VPS52: variants seen among roughly 807,000 people sequenced by gnomAD.
VPS52 encodes the protein vacuolar protein sorting-associated protein 52 homolog.
In VPS52, 56 loss-of-function variants were observed where a neutral mutation model predicts 98.7. That is an observed-to-expected ratio of 0.57 (90% CI 0.46 to 0.71). VPS52 has a LOEUF of 0.71. VPS52 is among the 30% of genes least tolerant of loss of function. VPS52 has a pLI of 0.00. For missense variants in VPS52, 742 were observed against 925.9 expected (o/e 0.80, Z 2.58); for synonymous variants, 348 against 346.4 (o/e 1.00, Z -0.05).
Position 33,267,924 on chromosome 6 carries a change from G to A in VPS52, c.874C>T (p.Leu292=). 6.2e-7 allele frequency: 1 copy of A among 1,613,084 alleles called. No homozygotes were observed. The highest frequency in any genetic ancestry group is 1.1e-5 in the South Asian group (1 of 91,084). The change falls in exon 9 of 20, where the codon CTG becomes TTG. Residue 292 remains leucine, a synonymous_variant. Coordinates refer to ENST00000445902, the MANE Select transcript of VPS52 (RefSeq NM_022553.6). This position sits in a 1 kb window ranked among gnomAD's most constrained non-coding sequence, Gnocchi z 4.2. ...TAGTAAGACAGGTAAATCTTGCTCA[G>A]CGTCTCCACATATTCATCCCTGATC... ...KEIRDEYVET[L]SKIYLSYYRS...
Position 33,268,636 on chromosome 6 carries a change from C to A in VPS52, c.562G>T (p.Ala188Ser). 3.7e-6 allele frequency: 6 copies of A among 1,604,944 alleles called. No individual in the cohort carries two copies. Among genetic ancestry groups the A allele is most frequent in the Middle Eastern group, 1.7e-4 (1 of 6,044 alleles). ...PSALVTAILE[A>S]PVTEPRFLEQ... is the part of the protein sequence containing the mutation. ...AAGAACCTGGGCTCTGTCACTGGAG[C>A]CTCCAGAATTGCCCTGGTTAGCAGG... The change falls in exon 7 of 20, where the codon GCT (alanine) becomes TCT (serine). Residue 188 changes from alanine (A) to serine (S), a missense_variant. By Grantham distance (99) the Ala-to-Ser change is moderately conservative. Coordinates refer to ENST00000445902, the MANE Select transcript of VPS52 (RefSeq NM_022553.6). The surrounding 1 kb of genome is among the most constrained non-coding windows in gnomAD (Gnocchi z 4.0).
rs772993343 is a variant in VPS52, at chr6:33,268,465, A to T, written c.699+34T>A. On this transcript the variant is annotated intron_variant, in intron 7 of 19. Transcript: ENST00000445902. The surrounding 1 kb of genome is among the most constrained non-coding windows in gnomAD (Gnocchi z 4.0). ...TGAAGATCTTGGGAAGGCTGCTTCC[A>T]GTAGCCTCCAGGGTATCCATCCCTA... The T allele has an allele frequency of 1.3e-6, 2 of 1,558,034 alleles. No homozygotes were observed. Among genetic ancestry groups the T allele is most frequent in the Admixed American group, 3.8e-5 (2 of 52,490 alleles).
intron 3 of VPS52, 80 bp downstream of exon 3, chr6:33,269,919 C>T (rs903350775): frequency 1.2e-6 from 2 of 1,604,564 alleles, no homozygotes; most frequent in African/African-American, 1.3e-5. Flanking sequence ...CAGGCTGATA[C>T]AACAAAAGCA....
Position 33,268,798 on chromosome 6 carries a change from A to T in VPS52, c.549-149T>A. The T allele has an allele frequency of 8.6e-7, 1 of 1,167,560 alleles. No homozygotes were observed. The highest frequency in any genetic ancestry group is 1.2e-6 in the Non-Finnish European group (1 of 852,838). 72.3% of individuals were successfully genotyped at this position (1,167,560 alleles called of 1,614,324 possible). On this transcript the variant is annotated intron_variant, in intron 6 of 19. Coordinates refer to ENST00000445902, the MANE Select transcript of VPS52 (RefSeq NM_022553.6). This position sits in a 1 kb window ranked among gnomAD's most constrained non-coding sequence, Gnocchi z 4.0. ...TCAGGACACATGTACAAAGTTTTCTATTCCTGGACCTCCCCACTATACACC... is the reference window on the plus strand; with the variant it reads ...TCAGGACACATGTACAAAGTTTTCTTTTCCTGGACCTCCCCACTATACACC...
intron 1 of VPS52, chr6:33,271,061 C>T: frequency 4.0e-6 from 1 of 247,450 alleles, no homozygotes; most frequent in Non-Finnish European, 7.9e-6. Flanking sequence ...CCTCAGACTC[C>T]TGCCATCTTG....
At chr6:33,251,019 C>T (rs559138852) in intron 19 of VPS52, 32 bp from the exon 20 acceptor site, 46 of 1,612,716 alleles carry the variant, frequency 2.9e-5, no homozygotes, top group Non-Finnish European at 2.7e-5. Context: ...GGGATCAAAC[C>T]GTAAAATGGT....
chr6:33,256,463 CAAAAAAAAAAAAAAAA>C (rs9280385), intron 17 of VPS52, among the ~76,000 whole-genome samples: 11 of 83,738 alleles, frequency 1.3e-4, no homozygotes, highest in South Asian at 1.2e-3. Flanking sequence ...AAACCTGTCT[CAAAAAAAAAAAAAAAA>C]AAAAAAAAAA....
intron 17 of VPS52, among the ~76,000 whole-genome samples, chr6:33,252,541 A>G (rs1213461779): frequency 6.7e-6 from 1 of 150,176 alleles, no homozygotes; most frequent in African/African-American, 2.4e-5. Flanking sequence ...GTGAGCAGAG[A>G]TCATGCCACT....
At chr6:33,264,293 A>G (rs1470240009) in intron 14 of VPS52, 81 bp downstream of exon 14, 35 of 1,586,990 alleles carry the variant, frequency 2.2e-5, no homozygotes, top group Non-Finnish European at 2.7e-5. Flanking sequence ...CCATGACACA[A>G]CTGTGACCTT....
intron 17 of VPS52, among the ~76,000 whole-genome samples, chr6:33,256,505 G>GAAAAAAAAA (rs1762994810): frequency 8.6e-6 from 1 of 115,692 alleles, no homozygotes; most frequent in Non-Finnish European, 1.9e-5. Flanking sequence ...AAAAAAAAAG[G>GAAAAAAAAA]ATAGGGAGCC....
In VPS52 at chr6:33,267,217, G is replaced by A. The variant is rs373646583; in HGVS notation, c.1096C>T (p.Pro366Ser). The A allele has an allele frequency of 3.8e-6, 6 of 1,583,194 alleles. No homozygotes were observed. In the African/African-American group the frequency reaches 8.2e-5, roughly 22 times the overall value. The change falls in exon 11 of 20, where the codon CCT (proline) becomes TCT (serine). Residue 366 changes from proline (P) to serine (S), a missense_variant. Coordinates refer to ENST00000445902, the MANE Select transcript of VPS52 (RefSeq NM_022553.6). The surrounding 1 kb of genome is among the most constrained non-coding windows in gnomAD (Gnocchi z 4.2). ...TGCTCTCCGCGCTGCGCTGTGTGAG[G>A]CACCAGGATGGGGGCCTCAAGTTCA... is the stretch of plus-strand genomic sequence containing the variant. ...PTELEAPILV[P>S]HTAQRGEQRY... is the part of the protein sequence containing the mutation.
chr6:33,262,561 T>G (rs982522661), intron 17 of VPS52, among the ~76,000 whole-genome samples: 1 of 152,176 alleles, frequency 6.6e-6, no homozygotes. Context: ...TGAAGAGATA[T>G]TTGCACTCCC....
chr6:33,270,807 C>T (rs1160502672), intron 1 of VPS52, among the ~76,000 whole-genome samples: 2 of 151,958 alleles, frequency 1.3e-5, no homozygotes, highest in Non-Finnish European at 2.9e-5. Flanking sequence ...AAAAATTAGC[C>T]GGGCGCGGTG....
intron 17 of VPS52, 42 bp from the exon 18 acceptor site, chr6:33,252,013 A>G: frequency 1.3e-6 from 2 of 1,564,894 alleles, no homozygotes; most frequent in Non-Finnish European, 1.8e-6. Flanking sequence ...TCCTGGTGTC[A>G]GCAGATTTGC....
Position 33,269,749 on chromosome 6 carries a change from C to G in VPS52, c.299G>C (p.Arg100Pro). The part of the protein sequence containing the change: ...ELQQIEQKSI[R>P]DYIQESENIA... ...TTCCCTCTGCTGGAGGATACAATCCCGAATGGATTTCTGTTCAATCTGCTG... is the reference window on the plus strand; with the variant it reads ...TTCCCTCTGCTGGAGGATACAATCCGGAATGGATTTCTGTTCAATCTGCTG... The change falls in exon 4 of 20, where the codon CGG (arginine) becomes CCG (proline). Residue 100 changes from arginine to proline, a missense_variant. Physicochemically the swap from Arg to Pro is moderately radical, Grantham distance 103. This residue lies in a region of VPS52 where 152 missense variants were observed against 132.6 expected (regional missense o/e 1.15). Coordinates refer to ENST00000445902, the MANE Select transcript of VPS52 (RefSeq NM_022553.6). 6.2e-7 allele frequency: 1 copy of G among 1,613,538 alleles called. No homozygotes were observed.
intron 3 of VPS52, 76 bp downstream of exon 3, chr6:33,269,923 A>C (rs1000807229): frequency 3.5e-5 from 56 of 1,608,046 alleles, no homozygotes; most frequent in Non-Finnish European, 4.7e-5. Context: ...CTGATACAAC[A>C]AAAGCAAGAG....
chr6:33,255,752 C>T (rs1762863411), intron 17 of VPS52, among the ~76,000 whole-genome samples: 1 of 149,946 alleles, frequency 6.7e-6, no homozygotes. Context: ...GAGATTGCAC[C>T]ACTGCACCAC....
chr6:33,251,688 C>T, intron 18 of VPS52, 52 bp from the exon 19 acceptor site: 1 of 1,489,036 alleles, frequency 6.7e-7, no homozygotes, highest in Non-Finnish European at 9.3e-7. Flanking sequence ...ATCTTCAACT[C>T]CACTAAGTTC....
chr6:33,271,722 TC>T lies in VPS52; in HGVS notation c.-48del, dbSNP rs1765129260. The T allele has an allele frequency of 1.3e-6, 2 of 1,565,312 alleles. No homozygotes were observed. The highest frequency in any genetic ancestry group is 2.3e-5 in the East Asian group (1 of 42,674). Reference sequence around the variant, plus strand: ...CAACTGTCAGTCCCGGCGAGTCCGTTCCCCGGAGTGGAGCTACAAGTCCCAA... The same window carrying T: ...CAACTGTCAGTCCCGGCGAGTCCGTTCCCGGAGTGGAGCTACAAGTCCCAA... On this transcript the variant is annotated 5_prime_UTR_variant, in exon 1 of 20. Coordinates refer to ENST00000445902, the MANE Select transcript of VPS52 (RefSeq NM_022553.6).
Sources: allele counts gnomAD v4.1 joint callset (sites outside exome capture counted in the v4.1 genomes callset), GRCh38; gene constraint gnomAD v4.1.1; regional missense constraint gnomAD v4.1.1; non-coding constraint Gnocchi (gnomAD v3.1); transcripts MANE v1.5; gene names NCBI Gene and HGNC (gene_info 2026-07-23, HGNC 2026-07-21).